Variants in SORCS2 observed in about 807,000 individuals in gnomAD.
SORCS2 encodes the protein VPS10 domain-containing receptor SorCS2.
Under a neutral mutation model 141.6 loss-of-function variants are expected in SORCS2, and 100 were observed. The observed-to-expected ratio is 0.71, with a 90% confidence interval of 0.60 to 0.83. The LOEUF (loss-of-function observed/expected upper bound fraction) is 0.83. Among genes scored for constraint, SORCS2 ranks in the 40% least tolerant of loss-of-function variants. The probability of loss-of-function intolerance (pLI) is 0.00; values close to 1 mark genes in which losing one functional copy is unlikely to be tolerated. For missense variants in SORCS2, 1,646 were observed against 1,560.2 expected (o/e 1.05, Z -0.93); for synonymous variants, 789 against 676.9 (o/e 1.17, Z -2.57).
intron 3 of SORCS2, among the ~76,000 whole-genome samples, chr4:7,629,994 C>T (rs1485511419): frequency 1.3e-5 from 2 of 152,208 alleles, no homozygotes; most frequent in Non-Finnish European, 2.9e-5. Flanking sequence ...CTGCCCTCTC[C>T]CCTCCAGTTC....
intron 8 of SORCS2, among the ~76,000 whole-genome samples, chr4:7,673,001 A>G (rs1722881733): frequency 6.6e-6 from 1 of 152,260 alleles, no homozygotes; most frequent in Admixed American, 6.5e-5. Flanking sequence ...ACAAATATGT[A>G]CAATCACATA....
At chr4:7,301,470 C>G (rs902810275) in intron 1 of SORCS2, among the ~76,000 whole-genome samples, 5 of 152,216 alleles carry the variant, frequency 3.3e-5, no homozygotes, top group Non-Finnish European at 7.3e-5. Context: ...TTCTCAGCAG[C>G]TGTCTTTATG....
intron 2 of SORCS2, among the ~76,000 whole-genome samples, chr4:7,470,908 G>A (rs1034247259): frequency 1.5e-4 from 23 of 152,184 alleles, no homozygotes; most frequent in African/African-American, 5.5e-4. Context: ...GCAGGGAGGT[G>A]ATGTCAGAGT....
At chr4:7,333,060 A>T (rs1719755050) in intron 1 of SORCS2, among the ~76,000 whole-genome samples, 1 of 152,174 alleles carries the variant, frequency 6.6e-6, no homozygotes, top group African/African-American at 2.4e-5. Flanking sequence ...CAGAGTGTGT[A>T]GCTTGTTGGC....
chr4:7,692,698 G>A (rs1361985950), intron 11 of SORCS2, among the ~76,000 whole-genome samples: 1 of 152,184 alleles, frequency 6.6e-6, no homozygotes, highest in Non-Finnish European at 1.5e-5. Context: ...TGGTCCAGAG[G>A]GACACAGGGT....
At chr4:7,416,839 C>G (rs942157705) in intron 2 of SORCS2, among the ~76,000 whole-genome samples, 1 of 152,124 alleles carries the variant, frequency 6.6e-6, no homozygotes, top group African/African-American at 2.4e-5. Context: ...CACACACAAA[C>G]ATGCATGCAT....
At chr4:7,522,177 G>A (rs531202570) in intron 2 of SORCS2, among the ~76,000 whole-genome samples, 247 of 152,298 alleles carry the variant, frequency 1.6e-3, no homozygotes, top group African/African-American at 5.7e-3. Context: ...TCACACCTGC[G>A]CGTGTGACTT....
intron 1 of SORCS2, among the ~76,000 whole-genome samples, chr4:7,228,523 G>A (rs1332149294): frequency 6.6e-6 from 1 of 152,194 alleles, no homozygotes; most frequent in Non-Finnish European, 1.5e-5. Context: ...GTCCTCTCTT[G>A]AAGATGAAGG....
intron 1 of SORCS2, among the ~76,000 whole-genome samples, chr4:7,307,964 T>G (rs943699993): frequency 2.6e-5 from 4 of 152,110 alleles, no homozygotes; most frequent in Non-Finnish European, 5.9e-5. Flanking sequence ...AGTGTGTGTC[T>G]GAGTGTGTGT....
chr4:7,701,481 G>C (rs1318976443), intron 12 of SORCS2, among the ~76,000 whole-genome samples: 1 of 152,236 alleles, frequency 6.6e-6, no homozygotes, highest in Admixed American at 6.5e-5. Context: ...CATGCAGAGA[G>C]CCTGGGTGTA....
intron 1 of SORCS2, among the ~76,000 whole-genome samples, chr4:7,214,347 A>G (rs1415576739): frequency 6.6e-6 from 1 of 151,956 alleles, no homozygotes; most frequent in East Asian, 1.9e-4. Context: ...GAGGGGATGA[A>G]TTTCAGCTCC....
intron 4 of SORCS2, among the ~76,000 whole-genome samples, chr4:7,639,729 G>A (rs1720522172): frequency 6.6e-6 from 1 of 151,804 alleles, no homozygotes; most frequent in Admixed American, 6.6e-5. Flanking sequence ...GTGAGTGGGT[G>A]TGGGTGTGAG....
chr4:7,467,804 G>T (rs945619395), intron 2 of SORCS2, among the ~76,000 whole-genome samples: 1 of 152,244 alleles, frequency 6.6e-6, no homozygotes, highest in Non-Finnish European at 1.5e-5. Flanking sequence ...TCCCGGAGCC[G>T]GTCCCCGCAC....
intron 3 of SORCS2, among the ~76,000 whole-genome samples, chr4:7,560,576 C>A (rs1714463426): frequency 6.6e-6 from 1 of 152,116 alleles, no homozygotes; most frequent in Admixed American, 6.5e-5. Context: ...GATGCGCCCC[C>A]AGCAAACCAC....
intron 1 of SORCS2, among the ~76,000 whole-genome samples, chr4:7,287,871 T>A (rs1716333673): frequency 6.6e-6 from 1 of 152,216 alleles, no homozygotes; most frequent in African/African-American, 2.4e-5. Context: ...TTTCTTCCGC[T>A]ATGGTAAAAA....
chr4:7,352,742 G>T (rs1455586062), intron 1 of SORCS2, among the ~76,000 whole-genome samples: 7 of 152,216 alleles, frequency 4.6e-5, no homozygotes, highest in Admixed American at 4.6e-4. Context: ...GGAAGGTGGG[G>T]AGTCTTTGAA....
chr4:7,558,013 A>T (rs1210771247), intron 3 of SORCS2, among the ~76,000 whole-genome samples: 4 of 152,224 alleles, frequency 2.6e-5, no homozygotes. Flanking sequence ...TGCAGTTCAC[A>T]GTGAAGCCTC....
chr4:7,680,298 C>T (rs759896284), intron 9 of SORCS2, among the ~76,000 whole-genome samples: 23 of 152,230 alleles, frequency 1.5e-4, no homozygotes, highest in African/African-American at 4.3e-4. Flanking sequence ...CACCCATGCA[C>T]GTGCCCCACC....
At chr4:7,383,128 G>A (rs1577475750) in intron 1 of SORCS2, among the ~76,000 whole-genome samples, 2 of 152,102 alleles carry the variant, frequency 1.3e-5, no homozygotes, top group Admixed American at 6.5e-5. Context: ...ACAGGGCCTC[G>A]TGTCATGGAT....
Sources: allele counts gnomAD v4.1 joint callset (sites outside exome capture counted in the v4.1 genomes callset), GRCh38; gene constraint gnomAD v4.1.1; transcripts MANE v1.5; gene names NCBI Gene and HGNC (gene_info 2026-07-23, HGNC 2026-07-21).